VAV2: variants seen among roughly 807,000 people sequenced by gnomAD.
The protein encoded by VAV2 is vav guanine nucleotide exchange factor 2.
VAV2 carries 67 observed loss-of-function variants against 132.5 expected under a neutral mutation model. The ratio of observed to expected loss-of-function variants is 0.51; its 90% CI spans 0.42 to 0.62. VAV2 has a LOEUF of 0.62. VAV2 is among the 20% of genes least tolerant of loss of function. The pLI is 0.00. For missense variants in VAV2, 938 were observed against 1,153.6 expected (o/e 0.81, Z 2.71); for synonymous variants, 492 against 443.5 (o/e 1.11, Z -1.37).
intron 2 of VAV2, among the ~76,000 whole-genome samples, chr9:133,922,257 G>A (rs2132079433): frequency 6.6e-6 from 1 of 152,322 alleles, no homozygotes; most frequent in South Asian, 2.1e-4. Flanking sequence ...TCATAGCCGT[G>A]ACCCCAGAGC....
chr9:133,969,259 C>T lies in VAV2; in HGVS notation c.204+22816G>A, dbSNP rs1842248466. Among the ~76,000 whole-genome samples, 1 of 152,204 alleles carries T rather than the reference C, an allele frequency of 6.6e-6. No homozygotes were observed. Among genetic ancestry groups the T allele is most frequent in the Non-Finnish European group, 1.5e-5 (1 of 68,040 alleles). ...CCTCCTGCCGGATGAACTGCGGCTT[C>T]TCACGGCTGCGCTGCTGGCATGGTA... is the stretch of plus-strand genomic sequence containing the variant. On this transcript the variant is annotated intron_variant, in intron 1 of 29. Coordinates refer to ENST00000371850, the MANE Select transcript of VAV2 (RefSeq NM_001134398.2). The surrounding 1 kb of genome is among the most constrained non-coding windows in gnomAD (Gnocchi z 5.1).
Position 133,911,179 on chromosome 9 carries a change from T to A in VAV2, c.321+27924A>T, listed in dbSNP as rs142022197. On this transcript the variant is annotated intron_variant, in intron 2 of 29. Coordinates refer to ENST00000371850, the MANE Select transcript of VAV2 (RefSeq NM_001134398.2). Reference sequence around the variant, plus strand: ...GCACTGGGGACCGGAAGCACATTTTTAATAAAAACTAAAAAGGAAAGAGCC... The same window carrying A: ...GCACTGGGGACCGGAAGCACATTTTAAATAAAAACTAAAAAGGAAAGAGCC... Among the ~76,000 whole-genome samples the A allele has an allele frequency of 1.6e-4, 25 of 152,306 alleles. No homozygotes were observed. The East Asian group carries it at 4.8e-3, about 29-fold the overall frequency.
rs1273388085 is a variant in VAV2 at position 133,776,095 on chromosome 9, C to T, written c.1966-15G>A. 6.2e-7 allele frequency: 1 copy of T among 1,612,506 alleles called. No individual in the cohort carries two copies. Among genetic ancestry groups the T allele is most frequent in the South Asian group, 1.1e-5 (1 of 90,952 alleles). On this transcript the variant is annotated splice_polypyrimidine_tract_variant and intron_variant, in intron 23 of 29. Transcript: ENST00000371850. ...CTGATGGGCGGCTGGTGGCAGAGCA[C>T]AAGAGTGTTAACGGCCCCCCAGGGC... is the stretch of plus-strand genomic sequence containing the variant.
chr9:133,786,920 A>C (rs1408826198), intron 16 of VAV2, among the ~76,000 whole-genome samples: 1 of 152,130 alleles, frequency 6.6e-6, no homozygotes, highest in Non-Finnish European at 1.5e-5. Flanking sequence ...GGAAAAGGGG[A>C]GAAAGAGGGA....
intron 2 of VAV2, among the ~76,000 whole-genome samples, chr9:133,880,523 G>A (rs1159819197): frequency 6.6e-6 from 1 of 152,224 alleles, no homozygotes; most frequent in African/African-American, 2.4e-5. Flanking sequence ...TCTTGTATAT[G>A]AAGAAGGGGT....
rs1349226442 is a variant in VAV2, at chr9:133,804,265, T to C, written c.836+1816A>G. 2.6e-5 allele frequency among the ~76,000 whole-genome samples: 4 copies of C among 152,200 alleles called. No individual in the cohort carries two copies. The highest frequency in any genetic ancestry group is 1.3e-4 in the Admixed American group (2 of 15,290). ...ACGATGATTTGGTGATGAGCTCTGA[T>C]GAAACGCTGACAGCCCCTTCCCCAA... On this transcript the variant is annotated intron_variant, in intron 9 of 29. Transcript: ENST00000371850. This position sits in a 1 kb window ranked among gnomAD's most constrained non-coding sequence, Gnocchi z 4.5.
intron 9 of VAV2, among the ~76,000 whole-genome samples, chr9:133,801,431 T>C (rs1054213248): frequency 6.6e-6 from 1 of 152,226 alleles, no homozygotes; most frequent in Non-Finnish European, 1.5e-5. Flanking sequence ...CACATGGCTC[T>C]CAACCCTGGC....
chr9:133,949,946 C>T (rs532568694), intron 1 of VAV2, among the ~76,000 whole-genome samples: 2 of 152,220 alleles, frequency 1.3e-5, no homozygotes, highest in Non-Finnish European at 2.9e-5. Flanking sequence ...GATTTCCAAA[C>T]GAGCTCTGCT....
At chr9:133,957,261 G>A (rs1400444083) in intron 1 of VAV2, among the ~76,000 whole-genome samples, 2 of 149,352 alleles carry the variant, frequency 1.3e-5, no homozygotes, top group Admixed American at 1.3e-4. Context: ...TGCTCCCTGG[G>A]ATGAAACGGG....
At chr9:133,764,259 C>A in intron 29 of VAV2, 150 bp from the exon 30 acceptor site, 1 of 979,228 alleles carries the variant, frequency 1.0e-6, no homozygotes, top group Middle Eastern at 2.9e-4. Context: ...CTGGTGGAAC[C>A]ATTGCCTGGG....
intron 3 of VAV2, among the ~76,000 whole-genome samples, chr9:133,835,783 G>C (rs1014483058): frequency 1.3e-5 from 2 of 152,190 alleles, no homozygotes; most frequent in Admixed American, 6.5e-5. Context: ...GCAGGGGGGA[G>C]TCCGCTGATC....
intron 2 of VAV2, among the ~76,000 whole-genome samples, chr9:133,881,634 C>T (rs979015736): frequency 6.6e-6 from 1 of 152,220 alleles, no homozygotes; most frequent in South Asian, 2.1e-4. Flanking sequence ...CACTGGAAAC[C>T]GCCGAGGTCC....
At chr9:133,792,688 C>A (rs1298762467) in intron 12 of VAV2, among the ~76,000 whole-genome samples, 4 of 100,634 alleles carry the variant, frequency 4.0e-5, no homozygotes, top group African/African-American at 1.1e-4. Context: ...ACCCCCCCCC[C>A]CACCCCCCAC....
At chr9:133,827,066 G>A (rs1453428048) in intron 4 of VAV2, among the ~76,000 whole-genome samples, 1 of 152,206 alleles carries the variant, frequency 6.6e-6, no homozygotes, top group Non-Finnish European at 1.5e-5. Flanking sequence ...AACTAGGAAC[G>A]CTGGCTGCAG....
chr9:133,983,634 G>A (rs1042666767), intron 1 of VAV2, among the ~76,000 whole-genome samples: 1 of 151,452 alleles, frequency 6.6e-6, no homozygotes, highest in Admixed American at 6.6e-5. Flanking sequence ...CACAACGCTC[G>A]GCAGAGAACT....
chr9:133,878,530 C>T (rs1013759495), intron 2 of VAV2, among the ~76,000 whole-genome samples: 8 of 152,186 alleles, frequency 5.3e-5, no homozygotes, highest in African/African-American at 1.9e-4. Context: ...CCCACGGCTG[C>T]CCCGCTGCAG....
chr9:133,798,877 C>A (rs776606697), intron 9 of VAV2, among the ~76,000 whole-genome samples: 2 of 152,346 alleles, frequency 1.3e-5, no homozygotes, highest in South Asian at 4.1e-4. Context: ...CCGGACCCAG[C>A]GTCCTGGTGA....
intron 2 of VAV2, among the ~76,000 whole-genome samples, chr9:133,892,765 G>A (rs1279783774): frequency 6.6e-6 from 1 of 152,200 alleles, no homozygotes; most frequent in African/African-American, 2.4e-5. Flanking sequence ...AGAGATGCAA[G>A]AGGAGGGGCG....
rs149524205 is a variant in VAV2, at chr9:133,879,525, G to A, written c.322-18093C>T. Among the ~76,000 whole-genome samples, 1,253 of 152,238 alleles carry A rather than the reference G, an allele frequency of 8.2e-3. 34 individuals carry two copies. The highest frequency in any genetic ancestry group is 0.053 in the Admixed American group (815 of 15,286). ...GGCAAGCCTCCTATAAGAAGGCATC[G>A]ATCAGTAGGTGGCCCCGGGGCACTG... On this transcript the variant is annotated intron_variant, in intron 2 of 29. Coordinates refer to ENST00000371850, the MANE Select transcript of VAV2 (RefSeq NM_001134398.2). This position sits in a 1 kb window ranked among gnomAD's most constrained non-coding sequence, Gnocchi z 4.4.
Sources: gnomAD v4.1 joint callset for allele counts (sites outside exome capture counted in the v4.1 genomes callset) on GRCh38, gnomAD v4.1.1 for gene constraint, Gnocchi (gnomAD v3.1) non-coding constraint, MANE v1.5 for transcripts, NCBI Gene and HGNC (gene_info 2026-07-23, HGNC 2026-07-21) for gene names.